POLR1A: variants seen among roughly 807,000 people sequenced by gnomAD.
POLR1A encodes DNA-directed RNA polymerase I subunit RPA1.
POLR1A carries 84 observed loss-of-function variants against 205.3 expected under a neutral mutation model. The ratio of observed to expected loss-of-function variants is 0.41; its 90% confidence interval spans 0.34 to 0.49. The LOEUF (loss-of-function observed/expected upper bound fraction) is 0.49. Among genes scored for constraint, POLR1A ranks in the 20% least tolerant of loss-of-function variants. The pLI is 0.22. For missense variants in POLR1A, 1,645 were observed against 2,204.5 expected (o/e 0.75, Z 5.08); for synonymous variants, 799 against 863.7 (o/e 0.93, Z 1.31).
chr2:86,090,842 A>T (rs1213048742), intron 3 of POLR1A, among the ~76,000 whole-genome samples: 3 of 152,244 alleles, frequency 2.0e-5, no homozygotes, highest in Non-Finnish European at 4.4e-5. Context: ...GCTACTCCAG[A>T]TGCTGAGGCA....
At chr2:86,035,586 T>TAC in intron 27 of POLR1A, among the ~76,000 whole-genome samples, 1 of 152,176 alleles carries the variant, frequency 6.6e-6, no homozygotes, top group East Asian at 1.9e-4. Context: ...TCTCAACTTG[T>TAC]GGCAATGTCA....
intron 1 of POLR1A, among the ~76,000 whole-genome samples, chr2:86,103,663 G>A (rs1673864379): frequency 6.6e-6 from 1 of 152,168 alleles, no homozygotes; most frequent in Non-Finnish European, 1.5e-5. Context: ...CCAGAGCTGT[G>A]GCTCAGGAGT....
chr2:86,036,615 C>T (rs1272684795), intron 27 of POLR1A, among the ~76,000 whole-genome samples: 5 of 152,198 alleles, frequency 3.3e-5, no homozygotes, highest in Admixed American at 2.0e-4. Flanking sequence ...TTCCTGTGGG[C>T]GGCCAGAGGC....
intron 9 of POLR1A, 57 bp downstream of exon 9, chr2:86,080,759 C>T: frequency 6.7e-7 from 1 of 1,489,522 alleles, no homozygotes; most frequent in Admixed American, 2.0e-5. Flanking sequence ...ATCCACAGCT[C>T]ACAGAGTTAG....
chr2:86,058,399 T>C (rs904538369), intron 14 of POLR1A, among the ~76,000 whole-genome samples: 1 of 94,244 alleles, frequency 1.1e-5, no homozygotes, highest in Admixed American at 9.3e-5. Context: ...TCACCCAGCC[T>C]TTTTTTTTTT....
At chr2:86,061,917 T>C (rs973035330) in intron 14 of POLR1A, among the ~76,000 whole-genome samples, 3 of 152,202 alleles carry the variant, frequency 2.0e-5, no homozygotes, top group African/African-American at 7.2e-5. Flanking sequence ...TTTGCAAAGA[T>C]GTATTCACTT....
At chr2:86,031,263 C>T (rs1485126001) in intron 30 of POLR1A, 67 bp downstream of exon 30, 37 of 1,502,678 alleles carry the variant, frequency 2.5e-5, no homozygotes, top group Non-Finnish European at 3.3e-5. Flanking sequence ...TCAGCAGGCC[C>T]CTTCCACAGA....
intron 16 of POLR1A, among the ~76,000 whole-genome samples, chr2:86,050,298 A>G (rs2104396668): frequency 6.6e-6 from 1 of 152,332 alleles, no homozygotes; most frequent in Admixed American, 6.5e-5. Flanking sequence ...AGAAAACAGC[A>G]GGTGTACTGT....
intron 3 of POLR1A, among the ~76,000 whole-genome samples, chr2:86,094,467 T>A (rs1673670902): frequency 6.6e-6 from 1 of 152,184 alleles, no homozygotes; most frequent in South Asian, 2.1e-4. Context: ...CATGTGACAT[T>A]CCAGGCTGGT....
At chr2:86,033,542 A>T in intron 28 of POLR1A, 119 bp downstream of exon 28, 3 of 1,124,934 alleles carry the variant, frequency 2.7e-6, no homozygotes, top group Admixed American at 2.4e-5. Context: ...AAGCTGAGAT[A>T]GGTAGGAGAT....
At position 86,030,368 on chromosome 2, in the gene POLR1A, A is replaced by T. The variant is rs541327232; in HGVS notation, c.4607T>A (p.Ile1536Asn). ...QVTVKLPLMKINFDMSSLVVS... is the reference protein window; with the variant it reads ...QVTVKLPLMKNNFDMSSLVVS... ...TACCAGGGAGCTCATGTCAAAGTTG[A>T]TCTTCATCAGAGGGAGCTTCACTGT... The change falls in exon 31 of 34, where the codon ATC (isoleucine) becomes AAC (asparagine). Residue 1536 changes from isoleucine (I) to asparagine (N), a missense_variant. Physicochemically the swap from Ile to Asn is moderately radical, Grantham distance 149. This residue lies in a region of POLR1A where 394 missense variants were observed against 468.5 expected (regional missense o/e 0.84). Transcript: ENST00000263857. 1.9e-6 allele frequency: 3 copies of T among 1,614,042 alleles called. No homozygotes were observed. Among genetic ancestry groups the T allele is most frequent in the Non-Finnish European group, 2.5e-6 (3 of 1,179,936 alleles).
At chr2:86,104,749 G>A (rs150566393) in intron 1 of POLR1A, among the ~76,000 whole-genome samples, 99 of 152,248 alleles carry the variant, frequency 6.5e-4, no homozygotes, top group South Asian at 1.9e-3. Flanking sequence ...GCCCGGCCAT[G>A]TTGAGTTTCT....
Position 86,067,900 on chromosome 2 carries a change from G to C in POLR1A, c.1866+2118C>G, listed in dbSNP as rs150776574. On this transcript the variant is annotated intron_variant, in intron 13 of 33. Coordinates refer to ENST00000263857, the MANE Select transcript of POLR1A (RefSeq NM_015425.6). The stretch of plus-strand genomic sequence containing the variant: ...ACAAAAGAAAGTGAATGAAAGTACA[G>C]TGAATCTTCAAGCCATCTCCCATAA... Among the ~76,000 whole-genome samples the C allele has an allele frequency of 5.1e-4, 77 of 152,306 alleles. No homozygotes were observed. In the East Asian group the frequency reaches 0.014, roughly 28 times the overall value.
At chr2:86,089,142 C>T (rs1230769128) in intron 4 of POLR1A, among the ~76,000 whole-genome samples, 5 of 152,218 alleles carry the variant, frequency 3.3e-5, no homozygotes, top group Non-Finnish European at 1.5e-5. Context: ...ATCATGAATG[C>T]AGTGGGGGCT....
chr2:86,060,640 T>C (rs1273305603), intron 14 of POLR1A, among the ~76,000 whole-genome samples: 1 of 152,070 alleles, frequency 6.6e-6, no homozygotes, highest in Non-Finnish European at 1.5e-5. Flanking sequence ...TATGGGAAAA[T>C]ATGACTCTTG....
chr2:86,079,456 A>C (rs1453339466), intron 9 of POLR1A, among the ~76,000 whole-genome samples: 1 of 152,188 alleles, frequency 6.6e-6, no homozygotes, highest in African/African-American at 2.4e-5. Flanking sequence ...GAAAAAACAC[A>C]TCCTGTCAAT....
At chr2:86,096,797 A>G (rs1227404046) in intron 3 of POLR1A, among the ~76,000 whole-genome samples, 1 of 152,130 alleles carries the variant, frequency 6.6e-6, no homozygotes, top group Non-Finnish European at 1.5e-5. Context: ...TGACCTAAAT[A>G]TAAGGTCTGG....
chr2:86,022,442 G>T lies in POLR1A; in HGVS notation c.*4981C>A, dbSNP rs147786356. The stretch of plus-strand genomic sequence containing the variant: ...TCCTTGAGATGTCATCGTACCGATA[G>T]GTGGTGACGGTGGCTGTGCATTTCC... On this transcript the variant is annotated 3_prime_UTR_variant, in exon 34 of 34. Transcript: ENST00000263857. 650 of 152,326 alleles carry T rather than the reference G, an allele frequency of 4.3e-3. 5 individuals carry two copies. The highest frequency in any genetic ancestry group is 0.014 in the African/African-American group (589 of 41,570). 9.4% of individuals were successfully genotyped at this position (152,326 alleles called of 1,614,324 possible). A position where few individuals can be genotyped will look rare whatever the true frequency, so the allele number is the denominator to read the frequency against.
intron 6 of POLR1A, among the ~76,000 whole-genome samples, chr2:86,086,627 A>C (rs1011542701): frequency 1.1e-4 from 16 of 152,180 alleles, no homozygotes; most frequent in African/African-American, 3.9e-4. Context: ...CTGAATACCC[A>C]AGCCTGGAGC....
Sources: allele counts gnomAD v4.1 joint callset (sites outside exome capture counted in the v4.1 genomes callset), GRCh38; gene constraint gnomAD v4.1.1; regional missense constraint gnomAD v4.1.1; transcripts MANE v1.5; gene names NCBI Gene and HGNC (gene_info 2026-07-23, HGNC 2026-07-21).